The following ERG variants were observed in gnomAD, a reference collection of about 807,000 sequenced individuals.
ERG encodes transcriptional regulator ERG.
A neutral mutation model predicts 55.3 loss-of-function variants in ERG; 9 were observed. That is an observed-to-expected ratio of 0.16 (90% CI 0.10 to 0.28). ERG has a LOEUF of 0.28. Ranked by LOEUF, ERG falls within the 10% of genes least tolerant of loss-of-function variation. The pLI, the probability that ERG is intolerant of heterozygous loss-of-function variation, is 1.00. For missense variants in ERG, 434 were observed against 631.6 expected, an observed-to-expected ratio of 0.69 and a Z score of 3.35; for synonymous variants, 223 against 237.3, an observed-to-expected ratio of 0.94 and a Z score of 0.55.
chr21:38,486,034 A>G (rs898500174), intron 1 of ERG, among the ~76,000 whole-genome samples: 3 of 151,960 alleles, frequency 2.0e-5, no homozygotes, highest in Non-Finnish European at 2.9e-5. Context: ...CCCAGGTTCA[A>G]GCAATTCTCC....
chr21:38,481,614 T>A (rs566223434), intron 1 of ERG, among the ~76,000 whole-genome samples: 3 of 152,340 alleles, frequency 2.0e-5, no homozygotes, highest in African/African-American at 7.2e-5. Flanking sequence ...AAGCAGATCA[T>A]CTTGAAACTG....
chr21:38,490,810 C>T (rs927066223), intron 1 of ERG, among the ~76,000 whole-genome samples: 3 of 152,224 alleles, frequency 2.0e-5, no homozygotes, highest in Non-Finnish European at 4.4e-5. Flanking sequence ...TTTCCACTTC[C>T]CCTTGCCAGC....
intron 1 of ERG, among the ~76,000 whole-genome samples, chr21:38,630,151 G>A (rs1473346279): frequency 6.6e-6 from 1 of 152,092 alleles, no homozygotes; most frequent in Admixed American, 6.6e-5. Flanking sequence ...TTTTTTGGGG[G>A]ATGATGATTT....
At chr21:38,427,295 G>A (rs1029252109) in intron 2 of ERG, among the ~76,000 whole-genome samples, 1 of 152,054 alleles carries the variant, frequency 6.6e-6, no homozygotes, top group South Asian at 2.1e-4. Context: ...GGCTGGTCTC[G>A]AACTCCTGAC....
At chr21:38,470,568 G>A (rs1037955246) in intron 1 of ERG, among the ~76,000 whole-genome samples, 14 of 152,170 alleles carry the variant, frequency 9.2e-5, no homozygotes, top group African/African-American at 2.9e-4. Flanking sequence ...ACAGTGGATA[G>A]CAGAGGGGCC....
At chr21:38,516,044 C>T (rs943758392) in intron 2 of ERG, among the ~76,000 whole-genome samples, 29 of 151,876 alleles carry the variant, frequency 1.9e-4, no homozygotes, top group South Asian at 8.3e-4. Context: ...CGGGGAAAGG[C>T]GGAAAGTCTC....
chr21:38,485,392 A>T (rs1020554445), intron 1 of ERG, among the ~76,000 whole-genome samples: 1 of 152,150 alleles, frequency 6.6e-6, no homozygotes, highest in South Asian at 2.1e-4. Context: ...AAGTAAAAAA[A>T]GTTATAGTAA....
chr21:38,546,670 G>A (rs971485511), intron 2 of ERG, among the ~76,000 whole-genome samples: 15 of 152,162 alleles, frequency 9.9e-5, no homozygotes, highest in Non-Finnish European at 2.1e-4. Flanking sequence ...AGAGCTGGAG[G>A]TAGCGCTAAG....
chr21:38,605,294 C>G (rs1344404319), intron 1 of ERG, among the ~76,000 whole-genome samples: 1 of 152,162 alleles, frequency 6.6e-6, no homozygotes, highest in Non-Finnish European at 1.5e-5. Context: ...AATGGTTTCC[C>G]TCACTGAATG....
chr21:38,652,824 T>C (rs773104803), intron 1 of ERG, among the ~76,000 whole-genome samples: 3 of 152,226 alleles, frequency 2.0e-5, no homozygotes, highest in Non-Finnish European at 2.9e-5. Flanking sequence ...ACTGCCATGC[T>C]GGCCCAGTTC....
intron 1 of ERG, among the ~76,000 whole-genome samples, chr21:38,602,633 T>G: frequency 6.6e-6 from 1 of 151,992 alleles, no homozygotes; most frequent in East Asian, 1.9e-4. Flanking sequence ...CTCCATTTTG[T>G]AAATAGCAGC....
chr21:38,604,825 C>G (rs1381672402), intron 1 of ERG, among the ~76,000 whole-genome samples: 1 of 152,216 alleles, frequency 6.6e-6, no homozygotes, highest in African/African-American at 2.4e-5. Context: ...TTAAAAATCT[C>G]CATGCAATTT....
At chr21:38,527,208 T>C (rs150667290) in intron 2 of ERG, among the ~76,000 whole-genome samples, 289 of 152,224 alleles carry the variant, frequency 1.9e-3, no homozygotes, top group Middle Eastern at 6.8e-3. Flanking sequence ...ACTGAAACAG[T>C]GAGAAGAAGA....
chr21:38,476,379 C>G (rs2059187520), intron 1 of ERG, among the ~76,000 whole-genome samples: 1 of 152,180 alleles, frequency 6.6e-6, no homozygotes, highest in Non-Finnish European at 1.5e-5. Context: ...GGTTTAGGAG[C>G]CTGGCTCTTC....
intron 1 of ERG, among the ~76,000 whole-genome samples, chr21:38,606,339 T>C (rs1197878178): frequency 6.6e-6 from 1 of 152,148 alleles, no homozygotes; most frequent in African/African-American, 2.4e-5. Context: ...GATAAACTGA[T>C]TCATGACCAA....
chr21:38,397,385 G>A (rs906050838), intron 6 of ERG, among the ~76,000 whole-genome samples: 1 of 151,994 alleles, frequency 6.6e-6, no homozygotes, highest in Non-Finnish European at 1.5e-5. Context: ...GGATCACGAG[G>A]TCAAGAGATC....
At chr21:38,402,670 G>GA (rs141961937) in intron 4 of ERG, 33 bp from the exon 5 acceptor site, 41,575 of 577,850 alleles carry the variant, frequency 0.072, 421 homozygotes, top group East Asian at 0.099. Context: ...ACATCAAAAT[G>GA]AAAAAAAAAA....
intron 2 of ERG, among the ~76,000 whole-genome samples, chr21:38,432,987 G>A (rs559216052): frequency 1.3e-5 from 2 of 152,340 alleles, no homozygotes; most frequent in South Asian, 2.1e-4. Context: ...GAGGGTTACA[G>A]ACGTGAGCTG....
intron 2 of ERG, among the ~76,000 whole-genome samples, chr21:38,547,307 G>A (rs2059793791): frequency 6.6e-6 from 1 of 152,346 alleles, no homozygotes; most frequent in African/African-American, 2.4e-5. Flanking sequence ...GCTGGAGAGG[G>A]AAGAAGGTAC....
Sources: gnomAD v4.1 joint callset for allele counts (sites outside exome capture counted in the v4.1 genomes callset) on GRCh38, gnomAD v4.1.1 for gene constraint, MANE v1.5 for transcripts, NCBI Gene and HGNC (gene_info 2026-07-23, HGNC 2026-07-21) for gene names.